E2F3: variants seen among roughly 807,000 people sequenced by gnomAD.
The protein encoded by E2F3 is E2F transcription factor 3, also known as transcription factor E2F3.
A neutral mutation model predicts 44.4 loss-of-function variants in E2F3; 11 were observed. The ratio of observed to expected loss-of-function variants is 0.25; its 90% CI spans 0.16 to 0.41. The LOEUF is 0.41. E2F3 is among the 10% of genes least tolerant of loss of function. The pLI is 1.00. For synonymous variants in E2F3, 249 were observed against 253.0 expected (o/e 0.98, Z 0.15); for missense variants, 487 against 583.6 (o/e 0.83, Z 1.70).
At chr6:20,455,598 C>T (rs1383200304) in intron 1 of E2F3, among the ~76,000 whole-genome samples, 3 of 152,094 alleles carry the variant, frequency 2.0e-5, no homozygotes, top group Non-Finnish European at 2.9e-5. Flanking sequence ...TTCCCTGTAG[C>T]GAGTCATAGT....
intron 1 of E2F3, among the ~76,000 whole-genome samples, chr6:20,413,793 T>TA (rs1327480057): frequency 6.6e-6 from 1 of 151,984 alleles, no homozygotes; most frequent in African/African-American, 2.4e-5. Flanking sequence ...CCATTTAGAG[T>TA]ACGGGCGCTA....
chr6:20,488,562 C>T (rs1035681843), intron 6 of E2F3, among the ~76,000 whole-genome samples: 1 of 152,136 alleles, frequency 6.6e-6, no homozygotes, highest in Non-Finnish European at 1.5e-5. Context: ...GACACTTGGC[C>T]ACACACCTTT....
intron 6 of E2F3, among the ~76,000 whole-genome samples, chr6:20,489,754 C>A (rs1762502687): frequency 6.6e-6 from 1 of 152,104 alleles, no homozygotes; most frequent in Admixed American, 6.6e-5. Flanking sequence ...GAAGACAGAT[C>A]ACTTGAGCCC....
At chr6:20,460,051 A>G (rs569807322) in intron 1 of E2F3, among the ~76,000 whole-genome samples, 1 of 152,332 alleles carries the variant, frequency 6.6e-6, no homozygotes, top group African/African-American at 2.4e-5. Flanking sequence ...CTTTTCTCTC[A>G]TCCGCTCATT....
intron 1 of E2F3, among the ~76,000 whole-genome samples, chr6:20,419,319 G>C (rs1759948314): frequency 6.6e-6 from 1 of 152,016 alleles, no homozygotes; most frequent in African/African-American, 2.4e-5. Flanking sequence ...ATTTCTGTAG[G>C]CTGCATTTCT....
rs1206215508 is a variant in E2F3 at position 20,444,226 on chromosome 6, C to G, written c.394-35620C>G. On this transcript the variant is annotated intron_variant, in intron 1 of 6. Coordinates refer to ENST00000346618, the MANE Select transcript of E2F3 (RefSeq NM_001949.5). ...TAAAATAATAGAATGCTCTTCCCAGCTAGATTGTAAGGTTTTTATATGTTA... is the reference window on the plus strand; with the variant it reads ...TAAAATAATAGAATGCTCTTCCCAGGTAGATTGTAAGGTTTTTATATGTTA... 2.6e-5 allele frequency among the ~76,000 whole-genome samples: 4 copies of G among 152,246 alleles called. No homozygotes were observed. The East Asian group carries it at 7.7e-4, about 29-fold the overall frequency.
chr6:20,490,712 G>T lies in E2F3; in HGVS notation c.*282G>T. 1 of 287,132 alleles carries T rather than the reference G, an allele frequency of 3.5e-6. No homozygotes were observed. Among genetic ancestry groups the T allele is most frequent in the East Asian group, 5.4e-5 (1 of 18,548 alleles). 17.8% of individuals were successfully genotyped at this position (287,132 alleles called of 1,614,324 possible). ...AGCAAGTGAGAAAATGTGCAATCAG[G>T]TGTCTCTCACCCCGAATTGTCCTTC... is the stretch of plus-strand genomic sequence containing the variant. On this transcript the variant is annotated 3_prime_UTR_variant, in exon 7 of 7. Coordinates refer to ENST00000346618, the MANE Select transcript of E2F3 (RefSeq NM_001949.5). The surrounding 1 kb of genome is among the most constrained non-coding windows in gnomAD (Gnocchi z 4.3).
At position 20,402,494 on chromosome 6, in the gene E2F3, G is replaced by GC; in HGVS notation, c.267dup (p.Gly90ArgfsTer77). The stretch of plus-strand genomic sequence containing the variant: ...AGCCGCCGGCCCCCTCCTCCCCAGT[G>GC]CCCCCGGCGCGGAGCAGACCGCCGG... On this transcript the variant is annotated frameshift_variant, in exon 1 of 7. Transcript: ENST00000346618. LOFTEE classifies it high-confidence loss of function. This position sits in a 1 kb window ranked among gnomAD's most constrained non-coding sequence, Gnocchi z 5.6. 6.2e-7 allele frequency: 1 copy of GC among 1,606,288 alleles called. No individual in the cohort carries two copies.
At position 20,453,403 on chromosome 6, in the gene E2F3, T is replaced by TTTTTTG. The variant is rs539685002; in HGVS notation, c.394-26420_394-26415dup. ...ATATTCTGTTAAGTATGGATTCAAGTTTTTTGTTTTTGTTTTTGTTTTTGT... is the reference window on the plus strand; with the variant it reads ...ATATTCTGTTAAGTATGGATTCAAGTTTTTTGTTTTTGTTTTTGTTTTTGTTTTTGT... On this transcript the variant is annotated intron_variant, in intron 1 of 6. Coordinates refer to ENST00000346618, the MANE Select transcript of E2F3 (RefSeq NM_001949.5). Among the ~76,000 whole-genome samples, 58 of 151,964 alleles carry TTTTTTG rather than the reference T, an allele frequency of 3.8e-4. 1 individual carries two copies. In the East Asian group the frequency reaches 7.5e-3, roughly 20 times the overall value.
At chr6:20,488,865 G>A (rs1173139577) in intron 6 of E2F3, among the ~76,000 whole-genome samples, 2 of 152,022 alleles carry the variant, frequency 1.3e-5, no homozygotes, top group Non-Finnish European at 2.9e-5. Flanking sequence ...GTGGTGGCAC[G>A]TGCCTGTAAT....
chr6:20,405,200 T>C (rs1201690842), intron 1 of E2F3, among the ~76,000 whole-genome samples: 2 of 152,212 alleles, frequency 1.3e-5, no homozygotes, highest in African/African-American at 2.4e-5. Context: ...GACATGAAAT[T>C]ATTATTCCAG....
rs372991189 is a variant in E2F3 at position 20,459,001 on chromosome 6, C to T, written c.394-20845C>T. Among the ~76,000 whole-genome samples, 38 of 152,306 alleles carry T rather than the reference C, an allele frequency of 2.5e-4. 1 individual carries two copies. The highest frequency in any genetic ancestry group is 7.9e-4 in the African/African-American group (33 of 41,572). Reference sequence around the variant, plus strand: ...TGGAAGGGCTGGGGGCGGTGGCTCACGCCTGTAATCCCAGCACTTTAGGAG... The same window carrying T: ...TGGAAGGGCTGGGGGCGGTGGCTCATGCCTGTAATCCCAGCACTTTAGGAG... On this transcript the variant is annotated intron_variant, in intron 1 of 6. Coordinates refer to ENST00000346618, the MANE Select transcript of E2F3 (RefSeq NM_001949.5).
rs1202094234 is a variant in E2F3, at chr6:20,402,367, CGCCGCCGCCGCCGCT to C, written c.145_159del (p.Ala49_Ala53del). 13 of 1,607,358 alleles carry C rather than the reference CGCCGCCGCCGCCGCT, an allele frequency of 8.1e-6. No homozygotes were observed. The highest frequency in any genetic ancestry group is 1.7e-5 in the Admixed American group (1 of 59,614). On this transcript the variant is annotated inframe_deletion, in exon 1 of 7. Transcript: ENST00000346618. This position sits in a 1 kb window ranked among gnomAD's most constrained non-coding sequence, Gnocchi z 5.6. ...CACTGCTAGCCAGCCCCGGCTTCGC[CGCCGCCGCCGCCGCT>C]GCCGCCGCCCCGGGCGCGTACATCC... is the stretch of plus-strand genomic sequence containing the variant.
At position 20,492,183 on chromosome 6, in the gene E2F3, C is replaced by T. The variant is rs1291382891; in HGVS notation, c.*1753C>T. 1 of 228,612 alleles carries T rather than the reference C, an allele frequency of 4.4e-6. No individual in the cohort carries two copies. Among genetic ancestry groups the T allele is most frequent in the Non-Finnish European group, 8.7e-6 (1 of 115,234 alleles). 14.2% of individuals were successfully genotyped at this position (228,612 alleles called of 1,614,324 possible). The stretch of plus-strand genomic sequence containing the variant: ...AAAACACACAAAAAACCACAAGAGC[C>T]CCAGCCAGTTTACTCCAGGTAGATT... On this transcript the variant is annotated 3_prime_UTR_variant, in exon 7 of 7. Coordinates refer to ENST00000346618, the MANE Select transcript of E2F3 (RefSeq NM_001949.5).
chr6:20,466,114 G>A (rs1161293320), intron 1 of E2F3, among the ~76,000 whole-genome samples: 1 of 150,782 alleles, frequency 6.6e-6, no homozygotes, highest in Non-Finnish European at 1.5e-5. Context: ...TGTTTTTGGG[G>A]TGCGGGGCGG....
In E2F3 at chr6:20,401,978, C is replaced by T. The variant is rs1759318355; in HGVS notation, c.-255C>T. 2.1e-6 allele frequency: 1 copy of T among 471,716 alleles called. No individual in the cohort carries two copies. The highest frequency in any genetic ancestry group is 4.5e-5 in the Admixed American group (1 of 22,246). The allele number at this position is 471,716 out of a possible 1,614,324, so 29.2% of individuals were successfully genotyped here. A position where few individuals can be genotyped will look rare whatever the true frequency, so the allele number is the denominator to read the frequency against. ...TCGCAATCCGTTGCATCGGCCGCCC[C>T]CGACGCCTCCATCCCCGCTTGGGGC... On this transcript the variant is annotated 5_prime_UTR_variant, in exon 1 of 7. Transcript: ENST00000346618.
In E2F3 at chr6:20,492,212, A is replaced by G. The variant is rs1762572572; in HGVS notation, c.*1782A>G. The G allele has an allele frequency of 4.4e-6, 1 of 229,172 alleles. No homozygotes were observed. Among genetic ancestry groups the G allele is most frequent in the African/African-American group, 2.2e-5 (1 of 45,054 alleles). The allele number at this position is 229,172 out of a possible 1,614,324, so 14.2% of individuals were successfully genotyped here. A position where few individuals can be genotyped will look rare whatever the true frequency, so the allele number is the denominator to read the frequency against. Reference sequence around the variant, plus strand: ...GCCAGTTTACTCCAGGTAGATTTCCACAATATGCAAAGTGGTGGTGGGGTC... The same window carrying G: ...GCCAGTTTACTCCAGGTAGATTTCCGCAATATGCAAAGTGGTGGTGGGGTC... On this transcript the variant is annotated 3_prime_UTR_variant, in exon 7 of 7. Transcript: ENST00000346618.
chr6:20,448,413 G>C (rs1761018226), intron 1 of E2F3, among the ~76,000 whole-genome samples: 2 of 152,042 alleles, frequency 1.3e-5, no homozygotes, highest in Non-Finnish European at 2.9e-5. Context: ...CTGGTGCCTT[G>C]TCATGTGCCC....
chr6:20,404,175 G>C (rs1175110251), intron 1 of E2F3, among the ~76,000 whole-genome samples: 1 of 134,898 alleles, frequency 7.4e-6, no homozygotes, highest in Non-Finnish European at 1.6e-5. Flanking sequence ...CCTTGTGCTG[G>C]AGGGGGAGGG....
Sources: gnomAD v4.1 joint callset for allele counts (sites outside exome capture counted in the v4.1 genomes callset) on GRCh38, gnomAD v4.1.1 for gene constraint, Gnocchi (gnomAD v3.1) non-coding constraint, MANE v1.5 for transcripts, NCBI Gene and HGNC (gene_info 2026-07-23, HGNC 2026-07-21) for gene names.